LPAR1: variants seen among roughly 807,000 people sequenced by gnomAD.
LPAR1 encodes LPA receptor 1.
LPAR1 carries 5 observed loss-of-function variants against 23.8 expected under a neutral mutation model. That is an observed-to-expected ratio of 0.21 (90% CI 0.11 to 0.44). The LOEUF is 0.44. Among genes scored for constraint, LPAR1 ranks in the 20% least tolerant of loss-of-function variants. The pLI, the probability that LPAR1 is intolerant of heterozygous loss-of-function variation, is 0.99. For missense variants in LPAR1, 311 were observed against 482.8 expected (o/e 0.64, Z 3.33); for synonymous variants, 160 against 164.7 (o/e 0.97, Z 0.22).
chr9:110,987,370 AAT>A lies in LPAR1; in HGVS notation c.-181-13814_-181-13813del, dbSNP rs1010890364. On this transcript the variant is annotated intron_variant, in intron 2 of 5. Transcript: ENST00000683809. ...AATTGTATAATACATATGTTTATAT[AAT>A]ATATATGTTTATATAATATTTCAAC... 3.3e-5 allele frequency among the ~76,000 whole-genome samples: 5 copies of A among 150,410 alleles called. No homozygotes were observed. The Admixed American group carries it at 3.3e-4, about 10-fold the overall frequency.
intron 2 of LPAR1, among the ~76,000 whole-genome samples, chr9:111,003,397 A>T (rs2097163495): frequency 2.6e-5 from 4 of 152,132 alleles, no homozygotes; most frequent in Admixed American, 2.0e-4. Context: ...GAGTGAGACC[A>T]GCAGGGTGGC....
upstream of LPAR1, chr9:111,038,788 C>T (rs989428883): frequency 3.0e-6 from 1 of 332,746 alleles, no homozygotes; most frequent in African/African-American, 2.2e-5. This position sits in a 1 kb window ranked among gnomAD's most constrained non-coding sequence, Gnocchi z 4.4. Flanking sequence ...GCCTCCCCCG[C>T]CCCGCCCCCG....
At chr9:110,895,595 G>A (rs2086045508) in intron 5 of LPAR1, among the ~76,000 whole-genome samples, 1 of 152,146 alleles carries the variant, frequency 6.6e-6, no homozygotes, top group South Asian at 2.1e-4. Context: ...TGAACACACA[G>A]GCCTCATATT....
At chr9:110,977,096 A>G (rs2096568973) in intron 2 of LPAR1, among the ~76,000 whole-genome samples, 2 of 152,216 alleles carry the variant, frequency 1.3e-5, no homozygotes, top group Non-Finnish European at 1.5e-5. Context: ...CAAAAGGACT[A>G]AAACACGATA....
intron 4 of LPAR1, among the ~76,000 whole-genome samples, chr9:110,961,685 C>G (rs1411420348): frequency 1.3e-5 from 2 of 150,096 alleles, no homozygotes; most frequent in Admixed American, 1.3e-4. Flanking sequence ...TTCCACATGT[C>G]TGGGGAGGCA....
intron 5 of LPAR1, among the ~76,000 whole-genome samples, chr9:110,909,761 T>A (rs1180163351): frequency 2.7e-5 from 4 of 149,196 alleles, no homozygotes; most frequent in African/African-American, 7.5e-5. Context: ...ATTTATTTAT[T>A]TAGAGAGAGG....
chr9:110,949,404 G>T (rs1278890761), intron 4 of LPAR1, among the ~76,000 whole-genome samples: 1 of 152,136 alleles, frequency 6.6e-6, no homozygotes, highest in East Asian at 1.9e-4. Flanking sequence ...ACTTCTATTG[G>T]TTCAAGAGTT....
chr9:110,875,853 C>T (rs556594591), intron 5 of LPAR1, 131 bp from the exon 6 acceptor site: 5 of 478,802 alleles, frequency 1.0e-5, no homozygotes, highest in Admixed American at 8.2e-5. Context: ...CCACCATTGT[C>T]GCAAATGAAA....
At chr9:111,003,441 C>T (rs143929013) in intron 2 of LPAR1, among the ~76,000 whole-genome samples, 1 of 152,214 alleles carries the variant, frequency 6.6e-6, no homozygotes, top group East Asian at 1.9e-4. Context: ...TCTCTAGGGA[C>T]AATGAATGTA....
At position 110,875,382 on chromosome 9, in the gene LPAR1, C is replaced by A. The variant is rs955888; in HGVS notation, c.*39G>T. 0.25 allele frequency: 386,718 copies of A among 1,558,744 alleles called. 51,970 individuals carry two copies. Among genetic ancestry groups the A allele is most frequent in the Non-Finnish European group, 0.28 (320,707 of 1,148,196 alleles). On this transcript the variant is annotated 3_prime_UTR_variant, in exon 6 of 6. Coordinates refer to ENST00000683809, the MANE Select transcript of LPAR1 (RefSeq NM_001351411.2). Reference sequence around the variant, plus strand: ...TGGGTAGGGGGAGGCTGTTTATCCTCCAAGAGAGGACGGCTGGTTCCTCAT... The same window carrying A: ...TGGGTAGGGGGAGGCTGTTTATCCTACAAGAGAGGACGGCTGGTTCCTCAT...
rs78665979 is a variant in LPAR1 at position 110,931,177 on chromosome 9, T to A, written c.793+10244A>T. Among the ~76,000 whole-genome samples, 301 of 152,332 alleles carry A rather than the reference T, an allele frequency of 2.0e-3. 1 individual carries two copies. The highest frequency in any genetic ancestry group is 6.9e-3 in the African/African-American group (288 of 41,588). ...CTTTGCCTAGGCTTACTTAGCAAAC[T>A]TCTATACATCATCTAAGATGAAATT... On this transcript the variant is annotated intron_variant, in intron 5 of 5. Coordinates refer to ENST00000683809, the MANE Select transcript of LPAR1 (RefSeq NM_001351411.2).
chr9:110,969,771 C>T (rs997356467), intron 4 of LPAR1, among the ~76,000 whole-genome samples: 3 of 151,854 alleles, frequency 2.0e-5, no homozygotes, highest in African/African-American at 7.3e-5. Context: ...TGTCCACATT[C>T]CTGAATTCAT....
At chr9:111,038,525 G>A, upstream of LPAR1, 1 of 442,760 alleles carries the variant, frequency 2.3e-6, no homozygotes, top group Admixed American at 2.4e-5. The surrounding 1 kb of genome is among the most constrained non-coding windows in gnomAD (Gnocchi z 4.4). Context: ...GGCCAGAGGA[G>A]CAGCGCCGAC....
At chr9:111,006,944 C>G (rs1051949068) in intron 2 of LPAR1, among the ~76,000 whole-genome samples, 26 of 151,988 alleles carry the variant, frequency 1.7e-4, no homozygotes, top group Non-Finnish European at 3.5e-4. Context: ...ACAGATCCCT[C>G]ATGAATGGTT....
chr9:110,918,697 G>A (rs2093391027), intron 5 of LPAR1, among the ~76,000 whole-genome samples: 4 of 152,162 alleles, frequency 2.6e-5, no homozygotes. Flanking sequence ...GAAGAGTAAT[G>A]TCTCTGTAGC....
intron 2 of LPAR1, among the ~76,000 whole-genome samples, chr9:111,010,463 G>A (rs1015245148): frequency 2.0e-5 from 3 of 152,048 alleles, no homozygotes; most frequent in African/African-American, 7.2e-5. Context: ...TAAGGTAGGG[G>A]CTAAAACCAC....
chr9:110,927,454 G>A (rs2094124375), intron 5 of LPAR1, among the ~76,000 whole-genome samples: 1 of 151,900 alleles, frequency 6.6e-6, no homozygotes, highest in Non-Finnish European at 1.5e-5. Context: ...GGACAAAGTA[G>A]GACTTAATGA....
At chr9:110,999,257 GAA>G (rs1037434945) in intron 2 of LPAR1, 4 of 258,666 alleles carry the variant, frequency 1.5e-5, no homozygotes, top group Admixed American at 5.4e-5. Flanking sequence ...CCATTTATAA[GAA>G]CCTGGGAGTA....
intron 5 of LPAR1, among the ~76,000 whole-genome samples, chr9:110,881,023 G>T (rs914567469): frequency 6.6e-6 from 1 of 152,086 alleles, no homozygotes; most frequent in African/African-American, 2.4e-5. Flanking sequence ...ATTATAATGG[G>T]GGTGTATGTG....
Sources: allele counts gnomAD v4.1 joint callset (sites outside exome capture counted in the v4.1 genomes callset), GRCh38; gene constraint gnomAD v4.1.1; non-coding constraint Gnocchi (gnomAD v3.1); transcripts MANE v1.5; gene names NCBI Gene and HGNC (gene_info 2026-07-23, HGNC 2026-07-21).